The following RTP4 variants were observed in gnomAD, a reference collection of about 807,000 sequenced individuals.
RTP4 encodes receptor-transporting protein 4.
In RTP4, 5 loss-of-function variants were observed where a neutral mutation model predicts 6.5. The observed-to-expected ratio is 0.77, with a 90% CI of 0.40 to 1.62. The LOEUF is 1.62. Ranked by LOEUF, RTP4 falls within the 40% of genes most tolerant of loss-of-function variation. RTP4 has a pLI of 0.02. For missense variants in RTP4, 266 were observed against 288.7 expected (o/e 0.92, Z 0.57); for synonymous variants, 112 against 114.8 (o/e 0.98, Z 0.15).
At chr3:187,368,662 T>A in intron 1 of RTP4, 66 bp downstream of exon 1, 3 of 1,446,642 alleles carry the variant, frequency 2.1e-6, no homozygotes, top group Non-Finnish European at 2.8e-6. Context: ...CTTAGCATGA[T>A]TTATTCCTCT....
intron 1 of RTP4, among the ~76,000 whole-genome samples, chr3:187,370,434 A>G (rs1171345441): frequency 6.6e-6 from 1 of 152,192 alleles, no homozygotes; most frequent in South Asian, 2.1e-4. Flanking sequence ...ATAAAGACCA[A>G]TTATATTGTA....
intron 1 of RTP4, among the ~76,000 whole-genome samples, chr3:187,369,009 C>T (rs1212262517): frequency 7.3e-6 from 1 of 136,324 alleles, no homozygotes; most frequent in East Asian, 2.2e-4. Context: ...GGGACGGAGC[C>T]TTTTTTTTTT....
In RTP4 at chr3:187,371,032, T is replaced by C. The variant is rs779588403; in HGVS notation, c.400T>C (p.Ser134Pro). ...KKYYGNGTRK[S>P]PEMPVILEVS... ...ATACTATGGAAATGGCACGAGGAAG[T>C]CTCCAGAAATGCCAGTAATCCTGGA... Residue 134 changes from serine (S) to proline (P), a missense_variant, in exon 2 of 2, where the codon TCT (serine) becomes CCT (proline). Transcript: ENST00000259030. 5.0e-6 allele frequency: 8 copies of C among 1,614,040 alleles called. No homozygotes were observed. The Admixed American group carries it at 1.0e-4, about 20-fold the overall frequency.
In RTP4 at chr3:187,368,539, T is replaced by C; in HGVS notation, c.98T>C (p.Leu33Pro). ...ATWTLKLDGN[L>P]QLDCLAQGWK... ...TGGACGCTGAAGTTGGATGGCAACC[T>C]TCAGCTAGACTGCCTGGCTCAAGGG... The change falls in exon 1 of 2, where the codon CTT becomes CCT. Residue 33 changes from leucine to proline, a missense_variant. Coordinates refer to ENST00000259030, the MANE Select transcript of RTP4 (RefSeq NM_022147.3). 2 of 1,614,136 alleles carry C rather than the reference T, an allele frequency of 1.2e-6. No homozygotes were observed. Among genetic ancestry groups the C allele is most frequent in the Non-Finnish European group, 8.5e-7 (1 of 1,180,000 alleles).
chr3:187,368,894 G>C (rs1711552858), intron 1 of RTP4, among the ~76,000 whole-genome samples: 1 of 151,998 alleles, frequency 6.6e-6, no homozygotes. Flanking sequence ...CACGTCATTT[G>C]TTCCAGACTA....
Position 187,371,036 on chromosome 3 carries a change from C to T in RTP4, c.404C>T (p.Pro135Leu). The T allele has an allele frequency of 6.2e-7, 1 of 1,614,192 alleles. No individual in the cohort carries two copies. ...KYYGNGTRKS[P>L]EMPVILEVSL... The stretch of plus-strand genomic sequence containing the variant: ...TATGGAAATGGCACGAGGAAGTCTC[C>T]AGAAATGCCAGTAATCCTGGAAGTG... Residue 135 changes from proline (P) to leucine (L), a missense_variant, in exon 2 of 2, where the codon CCA becomes CTA. Coordinates refer to ENST00000259030, the MANE Select transcript of RTP4 (RefSeq NM_022147.3).
rs1711558311 is a variant in RTP4 at position 187,369,192 on chromosome 3, C to A, written c.155+596C>A. ...ACTCACCACTTCCCTCTTTAACCCC[C>A]AGCAAGCCTCCAGGTTGCAGGAACC... is the stretch of plus-strand genomic sequence containing the variant. On this transcript the variant is annotated intron_variant, in intron 1 of 1. Transcript: ENST00000259030. Among the ~76,000 whole-genome samples, 4 of 152,112 alleles carry A rather than the reference C, an allele frequency of 2.6e-5. No individual in the cohort carries two copies. The South Asian group carries it at 8.3e-4, about 32-fold the overall frequency.
intron 1 of RTP4, 112 bp from the exon 2 acceptor site, chr3:187,370,676 T>G: frequency 1.4e-6 from 1 of 705,002 alleles, no homozygotes; most frequent in Non-Finnish European, 2.4e-6. Flanking sequence ...ACAATCTAAA[T>G]CACATGCATT....
At chr3:187,369,669 AT>A (rs1711569759) in intron 1 of RTP4, among the ~76,000 whole-genome samples, 1 of 147,294 alleles carries the variant, frequency 6.8e-6, no homozygotes, top group Non-Finnish European at 1.5e-5. Context: ...AAATTTATAA[AT>A]AATATATGTA....
rs1711614516 is a variant in RTP4, at chr3:187,371,422, T to C, written c.*49T>C. On this transcript the variant is annotated 3_prime_UTR_variant, in exon 2 of 2. Transcript: ENST00000259030. The stretch of plus-strand genomic sequence containing the variant: ...CTTATTTTAATTCCATGGTAGTCAA[T>C]GAACTGGCTGCCACTTTAATATAAC... The C allele has an allele frequency of 9.8e-6, 13 of 1,333,152 alleles. No homozygotes were observed. The highest frequency in any genetic ancestry group is 1.5e-5 in the African/African-American group (1 of 68,548). The allele number at this position is 1,333,152 out of a possible 1,614,324, so 82.6% of individuals were successfully genotyped here.
rs368632071 is a variant in RTP4 at position 187,371,151 on chromosome 3, G to A, written c.519G>A (p.Pro173=). 2.2e-5 allele frequency: 35 copies of A among 1,613,986 alleles called. No individual in the cohort carries two copies. The highest frequency in any genetic ancestry group is 1.3e-4 in the East Asian group (6 of 44,876). Residue 173 remains proline, a synonymous_variant, in exon 2 of 2, where the codon CCG becomes CCA. Coordinates refer to ENST00000259030, the MANE Select transcript of RTP4 (RefSeq NM_022147.3). ...GQGLKSCMTK[P]SKSLLPHLKT... is the part of the protein sequence containing the mutation. ...GCTTAAAAAGCTGCATGACAAAGCCGTCCAAATCCCTACTCCCCCACCTAA... is the reference window on the plus strand; with the variant it reads ...GCTTAAAAAGCTGCATGACAAAGCCATCCAAATCCCTACTCCCCCACCTAA...
Position 187,368,456 on chromosome 3 carries a change from C to A in RTP4, c.15C>A (p.Phe5Leu). ...AGAGGGAAAAAATGGTTGTAGATTT[C>A]TGGACTTGGGAGCAGACATTTCAAG... MVVD[F>L]WTWEQTFQEL... The change falls in exon 1 of 2, where the codon TTC becomes TTA. Residue 5 changes from phenylalanine to leucine, a missense_variant. Phe to Leu is a conservative substitution (Grantham distance 22). Transcript: ENST00000259030. The A allele has an allele frequency of 6.2e-7, 1 of 1,611,984 alleles. No individual in the cohort carries two copies. Among genetic ancestry groups the A allele is most frequent in the Non-Finnish European group, 8.5e-7 (1 of 1,179,258 alleles).
At position 187,370,824 on chromosome 3, in the gene RTP4, C is replaced by T. The variant is rs33927333; in HGVS notation, c.192C>T (p.Ser64=). ...RCSSCQRSWA[S]AQVQILCHTY... ...CCTCCTGCCAGCGAAGTTGGGCTTC[C>T]GCCCAAGTGCAGATTCTGTGCCACA... Residue 64 remains serine, a synonymous_variant, in exon 2 of 2, where the codon TCC becomes TCT. Transcript: ENST00000259030. The T allele has an allele frequency of 0.14, 233,398 of 1,613,014 alleles. 18,160 individuals carry two copies. Among genetic ancestry groups the T allele is most frequent in the Middle Eastern group, 0.21 (1,274 of 6,060 alleles).
Position 187,372,057 on chromosome 3 carries a change from A to C in RTP4, c.*684A>C, listed in dbSNP as rs1453514644. On this transcript the variant is annotated 3_prime_UTR_variant, in exon 2 of 2. Coordinates refer to ENST00000259030, the MANE Select transcript of RTP4 (RefSeq NM_022147.3). ...GACCTTCAGAACTGCTTGCTCATAA[A>C]CTTGTCTTGTTTTAATGCACTAAGT... 1 of 152,214 alleles carries C rather than the reference A, an allele frequency of 6.6e-6. No individual in the cohort carries two copies. Among genetic ancestry groups the C allele is most frequent in the Non-Finnish European group, 1.5e-5 (1 of 68,060 alleles). The allele number at this position is 152,214 out of a possible 1,614,324, so 9.4% of individuals were successfully genotyped here. A position where few individuals can be genotyped will look rare whatever the true frequency, so the allele number is the denominator to read the frequency against.
rs1404457769 is a variant in RTP4, at chr3:187,368,660, GA to G, written c.155+65del. On this transcript the variant is annotated intron_variant, in intron 1 of 1. Transcript: ENST00000259030. Reference sequence around the variant, plus strand: ...GAGAGGCTCAGGCTCAGCTTAGCATGATTTATTCCTCTGAGAGCTTGTTGAA... The same window carrying G: ...GAGAGGCTCAGGCTCAGCTTAGCATGTTTATTCCTCTGAGAGCTTGTTGAA... The G allele has an allele frequency of 5.5e-6, 8 of 1,455,612 alleles. No homozygotes were observed. The East Asian group carries it at 1.9e-4, about 35-fold the overall frequency. 90.2% of individuals were successfully genotyped at this position (1,455,612 alleles called of 1,614,324 possible).
chr3:187,371,255 A>C lies in RTP4; in HGVS notation c.623A>C (p.Glu208Ala), dbSNP rs781004770. Residue 208 changes from glutamate to alanine, a missense_variant, in exon 2 of 2, where the codon GAG becomes GCG. Physicochemically the swap from Glu to Ala is moderately radical, Grantham distance 107. Coordinates refer to ENST00000259030, the MANE Select transcript of RTP4 (RefSeq NM_022147.3). ...AAGAACCAGTCAGCTGAGGCAAAAG[A>C]GGCTAAGGGGAGTGGGTATGAGAAA... ...QAKNQSAEAK[E>A]AKGSGYEKLG... The C allele has an allele frequency of 6.2e-7, 1 of 1,612,572 alleles. No homozygotes were observed. Among genetic ancestry groups the C allele is most frequent in the Non-Finnish European group, 8.5e-7 (1 of 1,180,038 alleles).
chr3:187,368,513 A>G lies in RTP4; in HGVS notation c.72A>G (p.Thr24=), dbSNP rs1206247137. ...TCCAAGAGGCAAAACCCCGGGCCAC[A>G]TGGACGCTGAAGTTGGATGGCAACC... The part of the protein sequence containing the change: ...ELIQEAKPRA[T]WTLKLDGNLQ... Residue 24 remains threonine, a synonymous_variant, in exon 1 of 2, where the codon ACA becomes ACG. Transcript: ENST00000259030. 6.2e-7 allele frequency: 1 copy of G among 1,614,146 alleles called. No homozygotes were observed. The highest frequency in any genetic ancestry group is 8.5e-7 in the Non-Finnish European group (1 of 1,180,002).
Position 187,371,815 on chromosome 3 carries a change from G to C in RTP4, c.*442G>C, listed in dbSNP as rs1483977501. The C allele has an allele frequency of 6.4e-6, 1 of 155,192 alleles. No homozygotes were observed. The highest frequency in any genetic ancestry group is 1.4e-5 in the Non-Finnish European group (1 of 70,060). The allele number at this position is 155,192 out of a possible 1,614,324, so 9.6% of individuals were successfully genotyped here. Reference sequence around the variant, plus strand: ...GGATAAGAACCAGGATTTTGTAACAGGGAGGCAACAAGCTCAAAATCAGAA... The same window carrying C: ...GGATAAGAACCAGGATTTTGTAACACGGAGGCAACAAGCTCAAAATCAGAA... On this transcript the variant is annotated 3_prime_UTR_variant, in exon 2 of 2. Coordinates refer to ENST00000259030, the MANE Select transcript of RTP4 (RefSeq NM_022147.3).
At chr3:187,368,819 A>T (rs1176793723) in intron 1 of RTP4, among the ~76,000 whole-genome samples, 1 of 152,122 alleles carries the variant, frequency 6.6e-6, no homozygotes, top group Non-Finnish European at 1.5e-5. Flanking sequence ...TTCCCTCCGT[A>T]AATATTTCTG....
Sources: gnomAD v4.1 joint callset for allele counts (sites outside exome capture counted in the v4.1 genomes callset) on GRCh38, gnomAD v4.1.1 for gene constraint, MANE v1.5 for transcripts, NCBI Gene and HGNC (gene_info 2026-07-23, HGNC 2026-07-21) for gene names.